Variants in GSG1L observed in about 807,000 individuals in gnomAD.
GSG1L encodes the protein GSG1 like, also known as germ cell-specific gene 1-like protein.
GSG1L carries 24 observed loss-of-function variants against 42.1 expected under a neutral mutation model. The ratio of observed to expected loss-of-function variants is 0.57; its 90% CI spans 0.41 to 0.80. The LOEUF is 0.80. Ranked by LOEUF, GSG1L falls within the 30% of genes least tolerant of loss-of-function variation. GSG1L has a pLI of 0.00. For synonymous variants in GSG1L, 215 were observed against 203.5 expected (o/e 1.06, Z -0.48); for missense variants, 445 against 472.2 (o/e 0.94, Z 0.53).
intron 2 of GSG1L, among the ~76,000 whole-genome samples, chr16:27,924,180 A>G (rs945668904): frequency 6.6e-6 from 1 of 151,524 alleles, no homozygotes; most frequent in African/African-American, 2.4e-5. Context: ...AATATATATA[A>G]TGTCTATATA....
intron 6 of GSG1L, among the ~76,000 whole-genome samples, chr16:27,797,523 C>CA (rs766041354): frequency 0.018 from 1,309 of 72,300 alleles, 27 homozygotes; most frequent in African/African-American, 0.053. Context: ...AACTCCATCT[C>CA]AAAAAAAAAA....
intron 1 of GSG1L, among the ~76,000 whole-genome samples, chr16:27,964,971 C>T (rs2085113567): frequency 6.6e-6 from 1 of 152,020 alleles, no homozygotes; most frequent in African/African-American, 2.4e-5. Flanking sequence ...CTCATGTACC[C>T]CATAAATATA....
At chr16:27,902,118 G>T (rs771932585) in intron 2 of GSG1L, among the ~76,000 whole-genome samples, 4 of 152,196 alleles carry the variant, frequency 2.6e-5, no homozygotes, top group Non-Finnish European at 5.9e-5. Context: ...GTCTGGTCTG[G>T]CAGGATGTTG....
In GSG1L at chr16:27,883,321, CATGGGGA is replaced by C. The variant is rs565061370; in HGVS notation, c.550+1158_550+1164del. Among the ~76,000 whole-genome samples, 91 of 150,492 alleles carry C rather than the reference CATGGGGA, an allele frequency of 6.0e-4. 1 individual carries two copies. Among genetic ancestry groups the C allele is most frequent in the African/African-American group, 2.1e-3 (87 of 40,866 alleles). On this transcript the variant is annotated intron_variant, in intron 3 of 6. Coordinates refer to ENST00000447459, the MANE Select transcript of GSG1L (RefSeq NM_001109763.2). ...TCCTTGGACAGCTGGGGATGGGGTGCATGGGGATGGGGTACATGGGGATGGGGTGCAT... is the reference window on the plus strand; with the variant it reads ...TCCTTGGACAGCTGGGGATGGGGTGCTGGGGTACATGGGGATGGGGTGCAT...
At chr16:27,988,219 A>G (rs1244021359) in intron 1 of GSG1L, among the ~76,000 whole-genome samples, 1 of 152,094 alleles carries the variant, frequency 6.6e-6, no homozygotes, top group East Asian at 1.9e-4. Context: ...ATACTGATAT[A>G]AGACAGTACA....
chr16:27,912,801 T>A (rs2084406875), intron 2 of GSG1L, among the ~76,000 whole-genome samples: 1 of 152,134 alleles, frequency 6.6e-6, no homozygotes, highest in South Asian at 2.1e-4. Context: ...TTCAACAATG[T>A]TCATAATGGC....
At chr16:27,949,854 G>A (rs2084931593) in intron 2 of GSG1L, among the ~76,000 whole-genome samples, 1 of 152,210 alleles carries the variant, frequency 6.6e-6, no homozygotes, top group African/African-American at 2.4e-5. Flanking sequence ...GAACCCGGGA[G>A]GCAGAGCTTG....
rs746146565 is a variant in GSG1L at position 28,063,202 on chromosome 16, T to TGGC, written c.220_222dup (p.Ala74dup). 2.6e-4 allele frequency: 335 copies of TGGC among 1,282,004 alleles called. No individual in the cohort carries two copies. The highest frequency in any genetic ancestry group is 1.1e-3 in the South Asian group (47 of 41,690). 79.4% of individuals were successfully genotyped at this position (1,282,004 alleles called of 1,614,324 possible). ...CCAGGGGGGCCGTTCCCCGAGGCGG[T>TGGC]GGCGGCGGCGGCGGCGGCGGCGGGG... is the stretch of plus-strand genomic sequence containing the variant. On this transcript the variant is annotated inframe_insertion, in exon 1 of 7. Transcript: ENST00000447459. The surrounding 1 kb of genome is among the most constrained non-coding windows in gnomAD (Gnocchi z 5.8).
In GSG1L at chr16:27,881,507, T is replaced by A. The variant is rs550726863; in HGVS notation, c.550+2979A>T. On this transcript the variant is annotated intron_variant, in intron 3 of 6. Coordinates refer to ENST00000447459, the MANE Select transcript of GSG1L (RefSeq NM_001109763.2). ...CACCCTCCTCGGCCTCTCAAAGTGCTGGGATTACAGGCATGAGCAACCGCA... is the reference window on the plus strand; with the variant it reads ...CACCCTCCTCGGCCTCTCAAAGTGCAGGGATTACAGGCATGAGCAACCGCA... Among the ~76,000 whole-genome samples the A allele has an allele frequency of 1.5e-4, 23 of 152,246 alleles. 2 individuals carry two copies. In the South Asian group the frequency reaches 4.8e-3, roughly 32 times the overall value.
intron 3 of GSG1L, among the ~76,000 whole-genome samples, chr16:27,881,448 G>A (rs972269571): frequency 6.6e-6 from 1 of 151,962 alleles, no homozygotes; most frequent in African/African-American, 2.4e-5. Context: ...CACCATGTTA[G>A]TCAGGCTGGT....
chr16:27,920,536 G>A (rs1289571709), intron 2 of GSG1L, among the ~76,000 whole-genome samples: 1 of 152,160 alleles, frequency 6.6e-6, no homozygotes, highest in East Asian at 1.9e-4. Context: ...TGTTTTCCCC[G>A]TTTGCTATCT....
chr16:27,857,521 C>T (rs999089920), intron 3 of GSG1L, among the ~76,000 whole-genome samples: 1 of 151,570 alleles, frequency 6.6e-6, no homozygotes, highest in African/African-American at 2.4e-5. Flanking sequence ...GCAGGAGGAT[C>T]ACTTGAGGCC....
At chr16:27,813,507 C>T (rs1349087603) in intron 5 of GSG1L, among the ~76,000 whole-genome samples, 1 of 152,168 alleles carries the variant, frequency 6.6e-6, no homozygotes, top group Admixed American at 6.5e-5. Context: ...TATGTCTTTC[C>T]TAATGTGAAG....
At chr16:27,875,654 C>T (rs970227106) in intron 3 of GSG1L, among the ~76,000 whole-genome samples, 1 of 152,172 alleles carries the variant, frequency 6.6e-6, no homozygotes, top group Non-Finnish European at 1.5e-5. Context: ...TGACTGAGCC[C>T]ACATCATGGA....
At position 27,843,909 on chromosome 16, in the gene GSG1L, G is replaced by A. The variant is rs958103285; in HGVS notation, c.662+1041C>T. 2.6e-5 allele frequency among the ~76,000 whole-genome samples: 4 copies of A among 152,184 alleles called. No homozygotes were observed. The East Asian group carries it at 7.7e-4, about 29-fold the overall frequency. On this transcript the variant is annotated intron_variant, in intron 4 of 6. Transcript: ENST00000447459. Reference sequence around the variant, plus strand: ...GACTCTAGTCAATCTTGGAGAACAAGAGGCCCTTTCTCTCCTACAAGGGAA... The same window carrying A: ...GACTCTAGTCAATCTTGGAGAACAAAAGGCCCTTTCTCTCCTACAAGGGAA...
chr16:27,932,875 C>A (rs998332066), intron 2 of GSG1L, among the ~76,000 whole-genome samples: 5 of 152,006 alleles, frequency 3.3e-5, no homozygotes, highest in African/African-American at 9.7e-5. Flanking sequence ...CCCAGTGTGA[C>A]AGGAGATGTG....
At chr16:27,827,531 T>C (rs1483055240) in intron 5 of GSG1L, among the ~76,000 whole-genome samples, 2 of 151,796 alleles carry the variant, frequency 1.3e-5, no homozygotes, top group East Asian at 3.9e-4. Context: ...AGCTGGCCCA[T>C]AGGAGCAGTT....
chr16:27,913,302 G>C (rs1024907814), intron 2 of GSG1L, among the ~76,000 whole-genome samples: 13 of 152,162 alleles, frequency 8.5e-5, no homozygotes, highest in African/African-American at 2.7e-4. Context: ...GCAAGGGAAT[G>C]TTCTATCTAG....
At position 27,815,364 on chromosome 16, in the gene GSG1L, CA is replaced by C. The variant is rs566321279; in HGVS notation, c.831-7811del. ...TGTGATGTACCTGCTCCCGTTCTAT[CA>C]TAAGTAAAAGCTTCCTGAGGCCTCA... On this transcript the variant is annotated intron_variant, in intron 5 of 6. Transcript: ENST00000447459. 2.6e-4 allele frequency among the ~76,000 whole-genome samples: 39 copies of C among 152,270 alleles called. No homozygotes were observed. The East Asian group carries it at 6.6e-3, about 26-fold the overall frequency.
Sources: gnomAD v4.1 joint callset for allele counts (sites outside exome capture counted in the v4.1 genomes callset) on GRCh38, gnomAD v4.1.1 for gene constraint, Gnocchi (gnomAD v3.1) non-coding constraint, MANE v1.5 for transcripts, NCBI Gene and HGNC (gene_info 2026-07-23, HGNC 2026-07-21) for gene names.